The following NFS1 variants were observed in gnomAD, a reference collection of about 807,000 sequenced individuals.
NFS1 encodes the protein cysteine desulfurase.
Under a neutral mutation model 57.3 loss-of-function variants are expected in NFS1, and 26 were observed. The observed-to-expected ratio is 0.45, with a 90% CI of 0.33 to 0.63. The LOEUF is 0.63. Among genes scored for constraint, NFS1 ranks in the 20% least tolerant of loss-of-function variants. NFS1 has a pLI of 0.02. For synonymous variants in NFS1, 209 were observed against 216.3 expected (o/e 0.97, Z 0.30); for missense variants, 505 against 605.8 (o/e 0.83, Z 1.75).
intron 12 of NFS1, among the ~76,000 whole-genome samples, chr20:35,670,368 C>T (rs1458738808): frequency 2.6e-5 from 4 of 152,222 alleles, no homozygotes; most frequent in Non-Finnish European, 5.9e-5. Context: ...GATCGATCCC[C>T]AAGCAGAAGC....
chr20:35,681,582 C>A (rs1224730654), intron 6 of NFS1, among the ~76,000 whole-genome samples: 2 of 152,144 alleles, frequency 1.3e-5, no homozygotes, highest in Non-Finnish European at 1.5e-5. Context: ...CCTGTAGTCC[C>A]AGCTACTCAA....
At position 35,681,822 on chromosome 20, in the gene NFS1, C is replaced by T. The variant is rs930700201; in HGVS notation, c.655+66G>A. On this transcript the variant is annotated intron_variant, in intron 6 of 12. Coordinates refer to ENST00000374092, the MANE Select transcript of NFS1 (RefSeq NM_021100.5). ...CTACACTCCATAGAGTATTACAGCT[C>T]TCAGTATACTACCTCATACAGAGCC... is the stretch of plus-strand genomic sequence containing the variant. 4.5e-6 allele frequency: 4 copies of T among 882,016 alleles called. No homozygotes were observed. In the African/African-American group the frequency reaches 6.5e-5, roughly 14 times the overall value. The allele number at this position is 882,016 out of a possible 1,614,324, so 54.6% of individuals were successfully genotyped here. A position where few individuals can be genotyped will look rare whatever the true frequency, so the allele number is the denominator to read the frequency against.
chr20:35,674,176 T>A lies in NFS1; in HGVS notation c.1136+174A>T, dbSNP rs1008894413. The A allele has an allele frequency of 9.8e-6, 6 of 614,834 alleles. No individual in the cohort carries two copies. The African/African-American group carries it at 1.1e-4, about 11-fold the overall frequency. 38.1% of individuals were successfully genotyped at this position (614,834 alleles called of 1,614,324 possible). On this transcript the variant is annotated intron_variant, in intron 10 of 12. Coordinates refer to ENST00000374092, the MANE Select transcript of NFS1 (RefSeq NM_021100.5). ...AGGAAGTCTTCCTAGGGTGGTAAAC[T>A]TCAGTCTGTACCCAGCTACCCAGCC...
intron 4 of NFS1, among the ~76,000 whole-genome samples, chr20:35,691,854 G>T (rs2035046014): frequency 6.7e-6 from 1 of 150,142 alleles, no homozygotes; most frequent in African/African-American, 2.5e-5. Flanking sequence ...TTTGAGACCA[G>T]CCTGACGAAC....
chr20:35,692,960 G>A (rs923283988), intron 4 of NFS1, among the ~76,000 whole-genome samples: 3 of 150,968 alleles, frequency 2.0e-5, no homozygotes, highest in Non-Finnish European at 4.4e-5. Flanking sequence ...CAAGATTACG[G>A]CACTGCACTC....
rs796896644 is a variant in NFS1, at chr20:35,684,973, G to A, written c.562-2992C>T. ...CGGGGTCTCACTCACTGCAACCTCC[G>A]CCTCCCAGGTTCAAGTGGTTCTCCT... On this transcript the variant is annotated intron_variant, in intron 5 of 12. Coordinates refer to ENST00000374092, the MANE Select transcript of NFS1 (RefSeq NM_021100.5). Among the ~76,000 whole-genome samples, 51 of 151,116 alleles carry A rather than the reference G, an allele frequency of 3.4e-4. 1 individual carries two copies. The highest frequency in any genetic ancestry group is 1.2e-3 in the African/African-American group (49 of 40,820).
rs1293677553 is a variant in NFS1 at position 35,676,780 on chromosome 20, AAAAAAC to A, written c.791-1584_791-1579del. On this transcript the variant is annotated intron_variant, in intron 7 of 12. Coordinates refer to ENST00000374092, the MANE Select transcript of NFS1 (RefSeq NM_021100.5). Reference sequence around the variant, plus strand: ...TCAGAAAAAAAAAAAAAAAAAAAAAAAAAAACCAAGAAAGAAATTACCTCCCCAGAA... The same window carrying A: ...TCAGAAAAAAAAAAAAAAAAAAAAAACAAGAAAGAAATTACCTCCCCAGAA... 1.2e-3 allele frequency among the ~76,000 whole-genome samples: 179 copies of A among 146,562 alleles called. 5 individuals are homozygous for A. Among genetic ancestry groups the A allele is most frequent in the African/African-American group, 3.1e-3 (119 of 38,642 alleles).
chr20:35,679,287 G>A (rs781183980), intron 7 of NFS1, among the ~76,000 whole-genome samples: 1 of 152,012 alleles, frequency 6.6e-6, no homozygotes, highest in Non-Finnish European at 1.5e-5. Flanking sequence ...GGGTTCAAAC[G>A]ATTCTCCTGC....
At chr20:35,670,551 TC>T (rs1418108072) in intron 12 of NFS1, among the ~76,000 whole-genome samples, 1 of 152,234 alleles carries the variant, frequency 6.6e-6, no homozygotes, top group Non-Finnish European at 1.5e-5. Context: ...CATGAGATTT[TC>T]CATGGCCCTT....
chr20:35,680,155 A>G (rs545276188), intron 7 of NFS1, among the ~76,000 whole-genome samples: 1 of 152,196 alleles, frequency 6.6e-6, no homozygotes. Flanking sequence ...ATACAAAAAA[A>G]TTAGCCGGGC....
At chr20:35,692,500 G>T (rs1759714883) in intron 4 of NFS1, 1 of 111,050 alleles carries the variant, frequency 9.0e-6, no homozygotes, top group East Asian at 3.0e-4. Context: ...AGGAGTTCAA[G>T]ACCAGCCTGA....
At chr20:35,695,754 G>A (rs2035121706) in intron 4 of NFS1, among the ~76,000 whole-genome samples, 1 of 152,088 alleles carries the variant, frequency 6.6e-6, no homozygotes, top group Admixed American at 6.6e-5. Flanking sequence ...AAAAAGAATG[G>A]AGAAAGGCCG....
At chr20:35,684,352 G>A (rs2034902279) in intron 5 of NFS1, among the ~76,000 whole-genome samples, 1 of 151,426 alleles carries the variant, frequency 6.6e-6, no homozygotes, top group African/African-American at 2.4e-5. Flanking sequence ...AGGTTGCAGT[G>A]AGCAGAGATC....
intron 1 of NFS1, 76 bp from the exon 2 acceptor site, chr20:35,698,666 G>A: frequency 6.7e-7 from 1 of 1,497,048 alleles, no homozygotes; most frequent in Non-Finnish European, 8.9e-7. Flanking sequence ...AGGGCAGAAG[G>A]AAAAATCTGG....
chr20:35,697,031 G>C (rs1305459041), intron 3 of NFS1, among the ~76,000 whole-genome samples: 1 of 152,178 alleles, frequency 6.6e-6, no homozygotes, highest in Non-Finnish European at 1.5e-5. Context: ...GCTTGAACCC[G>C]GGAGGCAGAG....
intron 5 of NFS1, among the ~76,000 whole-genome samples, chr20:35,687,814 G>A (rs2034972625): frequency 6.6e-6 from 1 of 152,212 alleles, no homozygotes; most frequent in African/African-American, 2.4e-5. Context: ...GAAATGAGAG[G>A]AGGCCGAGAA....
chr20:35,673,906 C>A (rs954679910), intron 10 of NFS1: 3 of 495,030 alleles, frequency 6.1e-6, no homozygotes, highest in Non-Finnish European at 1.1e-5. Context: ...CTTCCTTAAG[C>A]AAGGACGCTG....
At chr20:35,690,002 G>C (rs552499463) in intron 5 of NFS1, among the ~76,000 whole-genome samples, 1 of 151,196 alleles carries the variant, frequency 6.6e-6, no homozygotes, top group African/African-American at 2.4e-5. Flanking sequence ...GGGAGGGTGA[G>C]GCAGGAGAAT....
intron 5 of NFS1, 108 bp downstream of exon 5, chr20:35,690,305 A>C: frequency 9.6e-7 from 1 of 1,036,968 alleles, no homozygotes; most frequent in Non-Finnish European, 1.4e-6. Context: ...ACTTCATCCT[A>C]ACTGTTAGAT....
Sources: gnomAD v4.1 joint callset for allele counts (sites outside exome capture counted in the v4.1 genomes callset) on GRCh38, gnomAD v4.1.1 for gene constraint, MANE v1.5 for transcripts, NCBI Gene and HGNC (gene_info 2026-07-23, HGNC 2026-07-21) for gene names.